The following MON2 variants were observed in gnomAD, a reference collection of about 807,000 sequenced individuals.
MON2 encodes the protein MON2 regulator of endosome-to-Golgi trafficking.
MON2 carries 84 observed loss-of-function variants against 208.6 expected under a neutral mutation model. The observed-to-expected ratio is 0.40, with a 90% confidence interval of 0.34 to 0.48. The LOEUF is 0.48. MON2 is among the 20% of genes least tolerant of loss of function. The probability of loss-of-function intolerance (pLI) is 0.59; values close to 1 mark genes in which losing one functional copy is unlikely to be tolerated. For missense variants in MON2, 1,611 were observed against 2,015.4 expected, an observed-to-expected ratio of 0.80 and a Z score of 3.84; for synonymous variants, 660 against 694.0, an observed-to-expected ratio of 0.95 and a Z score of 0.77.
intron 7 of MON2, among the ~76,000 whole-genome samples, chr12:62,503,228 A>G (rs2070933862): frequency 6.6e-6 from 1 of 152,190 alleles, no homozygotes; most frequent in South Asian, 2.1e-4. Flanking sequence ...GGGTTAAATA[A>G]TTTGTCTGCA....
At chr12:62,560,327 A>C (rs1374713964) in intron 25 of MON2, 164 bp from the exon 26 acceptor site, 1 of 642,266 alleles carries the variant, frequency 1.6e-6, no homozygotes, top group East Asian at 2.9e-5. Flanking sequence ...AGGTTGTGAT[A>C]ATTTTAATTC....
intron 4 of MON2, among the ~76,000 whole-genome samples, 197 bp from the exon 5 acceptor site, chr12:62,498,722 T>TA (rs1216632376): frequency 6.6e-6 from 1 of 152,200 alleles, no homozygotes; most frequent in Non-Finnish European, 1.5e-5. Context: ...ATGTTTCACA[T>TA]TACCATAGCT....
At chr12:62,588,360 C>G in intron 34 of MON2, among the ~76,000 whole-genome samples, 1 of 144,630 alleles carries the variant, frequency 6.9e-6, no homozygotes, top group East Asian at 2.0e-4. Flanking sequence ...TTTTATGAAG[C>G]AGTCTACCTT....
At position 62,544,902 on chromosome 12, in the gene MON2, G is replaced by T. The variant is rs1372058110; in HGVS notation, c.2471G>T (p.Cys824Phe). 2.5e-6 allele frequency: 4 copies of T among 1,605,472 alleles called. No homozygotes were observed. Among genetic ancestry groups the T allele is most frequent in the Non-Finnish European group, 2.6e-6 (3 of 1,175,966 alleles). Reference sequence around the variant, plus strand: ...CTTAATTTTATATACCTTCAGGTCTGCCAGCATCCAAACTCTCGAATGAGA... The same window carrying T: ...CTTAATTTTATATACCTTCAGGTCTTCCAGCATCCAAACTCTCGAATGAGA... Reference protein sequence around the residue: ...RPLTGHLLEVCQHPNSRMREW... With the variant: ...RPLTGHLLEVFQHPNSRMREW... Residue 824 changes from cysteine to phenylalanine, a missense_variant, in exon 21 of 35, where the codon TGC becomes TTC. Cys to Phe is a radical substitution (Grantham distance 205). Transcript: ENST00000393630.
chr12:62,494,962 A>G (rs1168501679), intron 3 of MON2, 54 bp from the exon 4 acceptor site: 4 of 1,315,246 alleles, frequency 3.0e-6, no homozygotes, highest in Admixed American at 2.1e-5. Context: ...TTATTTAGGG[A>G]CATCAACATC....
rs773193943 is a variant in MON2, at chr12:62,560,717, A to G, written c.3636A>G (p.Thr1212=). 1.9e-6 allele frequency: 3 copies of G among 1,614,166 alleles called. No individual in the cohort carries two copies. Among genetic ancestry groups the G allele is most frequent in the Non-Finnish European group, 2.5e-6 (3 of 1,180,018 alleles). Residue 1212 remains threonine (T), a synonymous_variant, in exon 26 of 35, where the codon ACA becomes ACG. Coordinates refer to ENST00000393630, the MANE Select transcript of MON2 (RefSeq NM_015026.3). ...GCATGAGCAGGCCATTTGTAAGAAC[A>G]GATTCCATTGGAGAAAAACTAGGAA... ...ISGMSRPFVR[T]DSIGEKLGRY...
intron 5 of MON2, 99 bp downstream of exon 5, chr12:62,499,147 C>T: frequency 1.7e-6 from 2 of 1,178,992 alleles, no homozygotes; most frequent in Non-Finnish European, 2.3e-6. Flanking sequence ...ATTATTATGT[C>T]TATAATGGCA....
At chr12:62,531,625 GTT>G (rs1460047939) in intron 11 of MON2, among the ~76,000 whole-genome samples, 2 of 152,158 alleles carry the variant, frequency 1.3e-5, no homozygotes, top group African/African-American at 2.4e-5. Flanking sequence ...TTGCTCCGCA[GTT>G]TGAACTTGAC....
At chr12:62,553,560 T>TA (rs2073840850) in intron 24 of MON2, among the ~76,000 whole-genome samples, 1 of 152,220 alleles carries the variant, frequency 6.6e-6, no homozygotes, top group South Asian at 2.1e-4. Context: ...GAGGTCTACT[T>TA]ATAGATATGT....
chr12:62,566,515 G>A, intron 29 of MON2, 65 bp downstream of exon 29: 18 of 1,391,922 alleles, frequency 1.3e-5, no homozygotes, highest in Admixed American at 2.2e-5. Flanking sequence ...TATTCCTTAG[G>A]TAATACATTA....
At chr12:62,519,423 G>A (rs914199327) in intron 8 of MON2, among the ~76,000 whole-genome samples, 1 of 152,148 alleles carries the variant, frequency 6.6e-6, no homozygotes, top group Non-Finnish European at 1.5e-5. Flanking sequence ...TATGAAAACA[G>A]TGACCCCTTT....
At chr12:62,555,527 T>C (rs2073926956) in intron 24 of MON2, among the ~76,000 whole-genome samples, 1 of 152,130 alleles carries the variant, frequency 6.6e-6, no homozygotes, top group African/African-American at 2.4e-5. Context: ...TGTATAATTA[T>C]GGCCAGGCAC....
intron 8 of MON2, among the ~76,000 whole-genome samples, chr12:62,521,358 C>T (rs889941540): frequency 2.6e-5 from 4 of 152,098 alleles, no homozygotes; most frequent in African/African-American, 4.8e-5. Context: ...TAAAATCATA[C>T]GTGGCAGTGA....
rs185481535 is a variant in MON2, at chr12:62,559,417, A to G, written c.3410-1074A>G. ...CATGGCTGTAATCCCAGCCCTTTGG[A>G]AGACTGAGGCAGGAGGATTGCTTGA... On this transcript the variant is annotated intron_variant, in intron 25 of 34. Coordinates refer to ENST00000393630, the MANE Select transcript of MON2 (RefSeq NM_015026.3). 3.5e-4 allele frequency among the ~76,000 whole-genome samples: 54 copies of G among 152,188 alleles called. No individual in the cohort carries two copies. The East Asian group carries it at 9.7e-3, about 27-fold the overall frequency.
intron 28 of MON2, 37 bp from the exon 29 acceptor site, chr12:62,566,285 T>C: frequency 3.1e-6 from 5 of 1,588,988 alleles, no homozygotes; most frequent in Non-Finnish European, 4.3e-6. Flanking sequence ...TTAATCTCAG[T>C]TTATTTTTAA....
chr12:62,559,296 C>A (rs139624057), intron 25 of MON2, among the ~76,000 whole-genome samples: 1 of 152,302 alleles, frequency 6.6e-6, no homozygotes, highest in East Asian at 1.9e-4. Context: ...TTTTTTACAT[C>A]ATTTTAATGT....
At chr12:62,502,039 G>T (rs2070861099) in intron 7 of MON2, among the ~76,000 whole-genome samples, 3 of 152,096 alleles carry the variant, frequency 2.0e-5, no homozygotes, top group Non-Finnish European at 2.9e-5. Context: ...GGCCAATATG[G>T]TGAAACCCTG....
At chr12:62,487,489 T>G (rs1295646589) in intron 2 of MON2, among the ~76,000 whole-genome samples, 1 of 152,072 alleles carries the variant, frequency 6.6e-6, no homozygotes, top group African/African-American at 2.4e-5. Context: ...TCAGTATACA[T>G]AAAGAATTTT....
intron 3 of MON2, among the ~76,000 whole-genome samples, chr12:62,494,721 A>G (rs962027566): frequency 5.9e-5 from 9 of 152,372 alleles, no homozygotes; most frequent in African/African-American, 1.2e-4. Context: ...TCCAAATACA[A>G]TCTATCAACA....
Sources: allele counts gnomAD v4.1 joint callset (sites outside exome capture counted in the v4.1 genomes callset), GRCh38; gene constraint gnomAD v4.1.1; transcripts MANE v1.5; gene names NCBI Gene and HGNC (gene_info 2026-07-23, HGNC 2026-07-21).